PTK2B: variants seen among roughly 807,000 people sequenced by gnomAD.
The protein encoded by PTK2B is protein-tyrosine kinase 2-beta.
In PTK2B, 71 loss-of-function variants were observed where a neutral mutation model predicts 142.9. The observed-to-expected ratio is 0.50, with a 90% CI of 0.41 to 0.61. The LOEUF is 0.61. Among genes scored for constraint, PTK2B ranks in the 20% least tolerant of loss-of-function variants. The pLI is 0.00. For synonymous variants in PTK2B, 519 were observed against 503.4 expected (o/e 1.03, Z -0.42); for missense variants, 1,105 against 1,320.4 (o/e 0.84, Z 2.53).
chr8:27,359,805 G>A (rs370996856), intron 1 of PTK2B, among the ~76,000 whole-genome samples: 3 of 152,118 alleles, frequency 2.0e-5, no homozygotes. Context: ...CATGCCCAGG[G>A]CTGGTGAACA....
At chr8:27,451,392 A>T in intron 26 of PTK2B, 93 bp from the exon 27 acceptor site, 1 of 1,577,348 alleles carries the variant, frequency 6.3e-7, no homozygotes, top group Non-Finnish European at 8.6e-7. Context: ...CTCTAAACAC[A>T]CAGTGGAGGG....
At chr8:27,310,615 C>T (rs1218510012), upstream of PTK2B, among the ~76,000 whole-genome samples, 1 of 152,248 alleles carries the variant, frequency 6.6e-6, no homozygotes, top group Non-Finnish European at 1.5e-5. Context: ...CAGCACGGGC[C>T]CCTGGGCCGA....
intron 2 of PTK2B, among the ~76,000 whole-genome samples, chr8:27,409,302 T>C (rs1808912214): frequency 6.6e-6 from 1 of 152,054 alleles, no homozygotes; most frequent in African/African-American, 2.4e-5. Flanking sequence ...AAAAACCTTA[T>C]CACAGGGAGT....
chr8:27,433,670 C>T (rs1029015448), intron 11 of PTK2B, 118 bp downstream of exon 11: 4 of 907,558 alleles, frequency 4.4e-6, no homozygotes, highest in Middle Eastern at 2.3e-4. Flanking sequence ...ATTCTTCCCC[C>T]ACAGCCCAGC....
intron 10 of PTK2B, 30 bp downstream of exon 10, chr8:27,432,391 C>A (rs1810492418): frequency 6.3e-7 from 1 of 1,596,534 alleles, no homozygotes; most frequent in South Asian, 1.1e-5. Flanking sequence ...GGGCACCTGG[C>A]AGCTCTGCAG....
upstream of PTK2B, chr8:27,311,424 C>T (rs1802967557): frequency 2.8e-6 from 2 of 710,954 alleles, no homozygotes; most frequent in Non-Finnish European, 2.2e-6. Context: ...TCGGAGGAGC[C>T]CCACCCACTT....
chr8:27,443,106 C>T lies in PTK2B; in HGVS notation c.2148+123C>T, dbSNP rs369433926. 4.8e-6 allele frequency: 3 copies of T among 628,074 alleles called. No homozygotes were observed. The African/African-American group carries it at 5.5e-5, about 12-fold the overall frequency. The allele number at this position is 628,074 out of a possible 1,614,324, so 38.9% of individuals were successfully genotyped here. The stretch of plus-strand genomic sequence containing the variant: ...TACAGCCCTTTCTCAGTCCTTCACC[C>T]AGCATCCACCATCACTGTCAGCGTG... On this transcript the variant is annotated intron_variant, in intron 22 of 30. Coordinates refer to ENST00000346049, the MANE Select transcript of PTK2B (RefSeq NM_173176.3).
intron 1 of PTK2B, among the ~76,000 whole-genome samples, chr8:27,369,199 GA>G (rs1806193278): frequency 6.6e-6 from 1 of 152,054 alleles, no homozygotes; most frequent in Non-Finnish European, 1.5e-5. Flanking sequence ...CTTGCCCTAA[GA>G]CCTCTTCCTC....
intron 18 of PTK2B, 89 bp downstream of exon 18, chr8:27,437,969 A>G: frequency 8.6e-7 from 1 of 1,160,670 alleles, no homozygotes; most frequent in Non-Finnish European, 1.2e-6. Context: ...CTTGTGGGTG[A>G]CACAGAGCAG....
chr8:27,333,280 A>G (rs1238197019), intron 1 of PTK2B, among the ~76,000 whole-genome samples: 1 of 152,224 alleles, frequency 6.6e-6, no homozygotes, highest in Admixed American at 6.5e-5. Flanking sequence ...AGGCTTGGAC[A>G]GGGAGGCCAA....
rs1415210948 is a variant in PTK2B at position 27,363,665 on chromosome 8, T to TC, written c.-37-33879dup. ...CTCCTTTTTCTCATCATGGACCTCC[T>TC]CCCCGGAGCCAGGCAGAGGCTCAGG... On this transcript the variant is annotated intron_variant, in intron 1 of 30. Transcript: ENST00000346049. This position sits in a 1 kb window ranked among gnomAD's most constrained non-coding sequence, Gnocchi z 4.3. 6.6e-6 allele frequency among the ~76,000 whole-genome samples: 1 copy of TC among 152,078 alleles called. No homozygotes were observed. The highest frequency in any genetic ancestry group is 1.5e-5 in the Non-Finnish European group (1 of 68,014).
intron 24 of PTK2B, among the ~76,000 whole-genome samples, chr8:27,447,550 T>C (rs1242288334): frequency 2.0e-5 from 3 of 152,162 alleles, no homozygotes; most frequent in Non-Finnish European, 4.4e-5. Flanking sequence ...GACCTCACAA[T>C]TGAGCTTTAA....
chr8:27,331,949 C>A (rs1803778413), intron 1 of PTK2B, among the ~76,000 whole-genome samples: 1 of 152,228 alleles, frequency 6.6e-6, no homozygotes. Flanking sequence ...CCCCCAGGTC[C>A]CACCCCAGGT....
intron 2 of PTK2B, among the ~76,000 whole-genome samples, chr8:27,408,720 T>A (rs1337284440): frequency 6.6e-6 from 1 of 152,246 alleles, no homozygotes; most frequent in Non-Finnish European, 1.5e-5. Flanking sequence ...CATAACCGTA[T>A]ACCAATTAAA....
rs1371694310 is a variant in PTK2B, at chr8:27,432,353, G to GC, written c.985dup (p.Gln329ProfsTer14). The GC allele has an allele frequency of 6.2e-7, 1 of 1,613,726 alleles. No homozygotes were observed. The highest frequency in any genetic ancestry group is 8.5e-7 in the Non-Finnish European group (1 of 1,179,990). On this transcript the variant is annotated frameshift_variant, in exon 10 of 31. Coordinates refer to ENST00000346049, the MANE Select transcript of PTK2B (RefSeq NM_173176.3). LOFTEE classifies it high-confidence loss of function. Reference sequence around the variant, plus strand: ...AGTACTTCAGCTGGGCATTGAAGGTGCCCCCCAGGTGAGTGTCTCTGGGCA... The same window carrying GC: ...AGTACTTCAGCTGGGCATTGAAGGTGCCCCCCCAGGTGAGTGTCTCTGGGCA...
chr8:27,402,423 G>A (rs1808439189), intron 2 of PTK2B, among the ~76,000 whole-genome samples: 1 of 152,154 alleles, frequency 6.6e-6, no homozygotes, highest in Non-Finnish European at 1.5e-5. Flanking sequence ...TAGATCCTTG[G>A]ATACATAATT....
chr8:27,404,787 TACTC>T (rs1808600450), intron 2 of PTK2B, among the ~76,000 whole-genome samples: 1 of 152,210 alleles, frequency 6.6e-6, no homozygotes, highest in Non-Finnish European at 1.5e-5. Context: ...AATCTATTGT[TACTC>T]AACCAGACAC....
At chr8:27,336,519 A>G (rs909398469) in intron 1 of PTK2B, among the ~76,000 whole-genome samples, 1 of 152,160 alleles carries the variant, frequency 6.6e-6, no homozygotes, top group African/African-American at 2.4e-5. Context: ...CTGTTCTCCC[A>G]ATAAGGAGGG....
At chr8:27,322,675 A>G (rs1390841311), upstream of PTK2B, 1 of 152,248 alleles carries the variant, frequency 6.6e-6, no homozygotes, top group East Asian at 1.9e-4. Flanking sequence ...AGATTAGGAA[A>G]TAAAAGCTCA....
Sources: allele counts gnomAD v4.1 joint callset (sites outside exome capture counted in the v4.1 genomes callset), GRCh38; gene constraint gnomAD v4.1.1; non-coding constraint Gnocchi (gnomAD v3.1); transcripts MANE v1.5; gene names NCBI Gene and HGNC (gene_info 2026-07-23, HGNC 2026-07-21).